The following SNTG1 variants were observed in gnomAD, a reference collection of about 807,000 sequenced individuals.
SNTG1 encodes the protein gamma-1-syntrophin.
Under a neutral mutation model 74.7 loss-of-function variants are expected in SNTG1, and 39 were observed. That is an observed-to-expected ratio of 0.52 (90% CI 0.40 to 0.68). SNTG1 has a LOEUF of 0.68. Among genes scored for constraint, SNTG1 ranks in the 30% least tolerant of loss-of-function variants. The pLI, the probability that SNTG1 is intolerant of heterozygous loss-of-function variation, is 0.00. For synonymous variants in SNTG1, 254 were observed against 217.1 expected (o/e 1.17, Z -1.49); for missense variants, 685 against 609.5 (o/e 1.12, Z -1.30).
At chr8:50,023,304 A>G (rs886877511) in intron 1 of SNTG1, among the ~76,000 whole-genome samples, 2 of 152,164 alleles carry the variant, frequency 1.3e-5, no homozygotes, top group African/African-American at 4.8e-5. Flanking sequence ...AGAAGAGCAC[A>G]TTGGTTACAT....
At position 50,597,257 on chromosome 8, in the gene SNTG1, T is replaced by C. The variant is rs1466634496; in HGVS notation, c.849+6340T>C. ...TGTGAATGACAAGATTTCATTCCCTTGTATAGCTGCAGAGAATATATACAT... is the reference window on the plus strand; with the variant it reads ...TGTGAATGACAAGATTTCATTCCCTCGTATAGCTGCAGAGAATATATACAT... On this transcript the variant is annotated intron_variant, in intron 13 of 18. Transcript: ENST00000642720. Among the ~76,000 whole-genome samples, 4 of 150,710 alleles carry C rather than the reference T, an allele frequency of 2.7e-5. No individual in the cohort carries two copies. In the Admixed American group the frequency reaches 2.7e-4, roughly 10 times the overall value.
chr8:50,288,864 CT>C (rs760933133), intron 2 of SNTG1, among the ~76,000 whole-genome samples: 2 of 152,126 alleles, frequency 1.3e-5, no homozygotes, highest in African/African-American at 2.4e-5. Context: ...TTCAGTGTCT[CT>C]TCTCCTTAAA....
chr8:50,185,747 T>C (rs1460247578), intron 2 of SNTG1, among the ~76,000 whole-genome samples: 1 of 152,196 alleles, frequency 6.6e-6, no homozygotes, highest in African/African-American at 2.4e-5. Flanking sequence ...AACTTTTATC[T>C]ATTAATGTAC....
intron 4 of SNTG1, among the ~76,000 whole-genome samples, chr8:50,430,280 T>A (rs1450164463): frequency 6.6e-6 from 1 of 152,188 alleles, no homozygotes; most frequent in Non-Finnish European, 1.5e-5. Flanking sequence ...AGATAAAAAC[T>A]GTGTATATTC....
At chr8:50,108,111 ACACAAATT>A (rs2080449965) in intron 1 of SNTG1, among the ~76,000 whole-genome samples, 1 of 152,180 alleles carries the variant, frequency 6.6e-6, no homozygotes, top group South Asian at 2.1e-4. Context: ...AACGTGGGTC[ACACAAATT>A]CTACCTTGCA....
chr8:50,100,295 A>G (rs2080074171), intron 1 of SNTG1, among the ~76,000 whole-genome samples: 1 of 152,042 alleles, frequency 6.6e-6, no homozygotes, highest in African/African-American at 2.4e-5. Context: ...AAGGAAAAGG[A>G]CAGTTTTATT....
chr8:50,575,361 C>T (rs931594350), intron 12 of SNTG1, among the ~76,000 whole-genome samples: 1 of 152,164 alleles, frequency 6.6e-6, no homozygotes, highest in African/African-American at 2.4e-5. Context: ...AACACACCTA[C>T]TTCTAAAATA....
chr8:50,288,777 T>C (rs181063067), intron 2 of SNTG1, among the ~76,000 whole-genome samples: 249 of 152,288 alleles, frequency 1.6e-3, no homozygotes, highest in Non-Finnish European at 3.1e-3. Context: ...ATTTTTGTCA[T>C]TTCAGAGGTT....
At chr8:50,266,682 G>A (rs368150903) in intron 2 of SNTG1, among the ~76,000 whole-genome samples, 82,417 of 136,638 alleles carry the variant, frequency 0.6, 26,629 homozygotes, top group East Asian at 0.85. Flanking sequence ...GTGTGTGTGT[G>A]TGTATATATA....
intron 2 of SNTG1, among the ~76,000 whole-genome samples, chr8:50,316,758 GA>G (rs1484662563): frequency 6.6e-6 from 1 of 151,974 alleles, no homozygotes; most frequent in East Asian, 1.9e-4. Context: ...AATACAATGA[GA>G]ACTTGTAAAC....
intron 15 of SNTG1, among the ~76,000 whole-genome samples, chr8:50,660,697 CCT>C (rs780865836): frequency 1.1e-4 from 17 of 152,054 alleles, no homozygotes; most frequent in Non-Finnish European, 2.4e-4. Context: ...TCTTTTAAAT[CCT>C]CTCTTTTAAA....
intron 16 of SNTG1, among the ~76,000 whole-genome samples, chr8:50,706,688 A>G (rs1174718306): frequency 1.3e-5 from 2 of 152,144 alleles, no homozygotes; most frequent in Admixed American, 6.5e-5. Flanking sequence ...TAGTTGTTCT[A>G]CAGATTTTAT....
At chr8:50,163,486 T>TC (rs2082500809) in intron 1 of SNTG1, 1 of 151,014 alleles carries the variant, frequency 6.6e-6, no homozygotes, top group South Asian at 2.1e-4. Context: ...TTTTTCTTTT[T>TC]TTTTTTTTTT....
intron 1 of SNTG1, among the ~76,000 whole-genome samples, chr8:49,935,439 G>C (rs1327211452): frequency 1.5e-5 from 2 of 131,382 alleles, no homozygotes; most frequent in Non-Finnish European, 3.1e-5. Context: ...AATGACTGCA[G>C]AGATGCTTAG....
chr8:49,979,565 T>C (rs1484924391), intron 1 of SNTG1, among the ~76,000 whole-genome samples: 1 of 152,200 alleles, frequency 6.6e-6, no homozygotes, highest in Non-Finnish European at 1.5e-5. Context: ...CCAACGTCCT[T>C]GGGCTCCCTC....
chr8:50,640,589 G>A (rs993806936), intron 13 of SNTG1, among the ~76,000 whole-genome samples: 5 of 152,018 alleles, frequency 3.3e-5, no homozygotes, highest in Non-Finnish European at 5.9e-5. Flanking sequence ...CTCAGACATG[G>A]ACACCTATCT....
chr8:50,521,028 C>A (rs2094175031), intron 9 of SNTG1, among the ~76,000 whole-genome samples: 1 of 152,134 alleles, frequency 6.6e-6, no homozygotes, highest in African/African-American at 2.4e-5. Context: ...AACCCAACTG[C>A]CCATCAGTGA....
chr8:49,987,365 C>T (rs1339336580), intron 1 of SNTG1, among the ~76,000 whole-genome samples: 1 of 151,962 alleles, frequency 6.6e-6, no homozygotes, highest in Non-Finnish European at 1.5e-5. Context: ...AGTAAATAAA[C>T]AATTATTTAA....
At chr8:50,269,573 G>C (rs1475867180) in intron 2 of SNTG1, among the ~76,000 whole-genome samples, 3 of 152,068 alleles carry the variant, frequency 2.0e-5, no homozygotes, top group Non-Finnish European at 4.4e-5. Context: ...TTATGTGCCA[G>C]CAAAATTGCG....
Sources: allele counts gnomAD v4.1 joint callset (sites outside exome capture counted in the v4.1 genomes callset), GRCh38; gene constraint gnomAD v4.1.1; transcripts MANE v1.5; gene names NCBI Gene and HGNC (gene_info 2026-07-23, HGNC 2026-07-21).